Variants in SGIP1 observed in about 807,000 individuals in gnomAD.
SGIP1 encodes SH3-containing GRB2-like protein 3-interacting protein 1.
SGIP1 carries 38 observed loss-of-function variants against 107.5 expected under a neutral mutation model. The observed-to-expected ratio is 0.35, with a 90% CI of 0.27 to 0.46. SGIP1 has a LOEUF of 0.46. Among genes scored for constraint, SGIP1 ranks in the 20% least tolerant of loss-of-function variants. The pLI, the probability that SGIP1 is intolerant of heterozygous loss-of-function variation, is 1.00. For missense variants in SGIP1, 929 were observed against 1,019.5 expected (o/e 0.91, Z 1.21); for synonymous variants, 365 against 366.1 (o/e 1.00, Z 0.03).
intron 1 of SGIP1, among the ~76,000 whole-genome samples, chr1:66,566,666 T>G (rs1255239528): frequency 1.3e-5 from 2 of 151,990 alleles, no homozygotes; most frequent in African/African-American, 4.8e-5. Context: ...GTTTTATTGT[T>G]TTTGCCTTCC....
rs1418399330 is a variant in SGIP1, at chr1:66,549,154, CCTTCCTT to C, written c.10+14788_10+14794del. ...GGCTACCTGCCTTCCTTCCTTCCTTCCTTCCTTCCTTCCTTCCTTCCTTCCTTCCTTC... is the reference window on the plus strand; with the variant it reads ...GGCTACCTGCCTTCCTTCCTTCCTTCCCTTCCTTCCTTCCTTCCTTCCTTC... On this transcript the variant is annotated intron_variant, in intron 1 of 24. Transcript: ENST00000371037. Among the ~76,000 whole-genome samples the C allele has an allele frequency of 4.3e-5, 6 of 138,856 alleles. No homozygotes were observed. In the East Asian group the frequency reaches 1.2e-3, roughly 28 times the overall value. 91.1% of individuals were successfully genotyped at this position (138,856 alleles called of 152,430 possible).
chr1:66,589,212 A>ATGTGTG (rs1203908242), intron 1 of SGIP1, among the ~76,000 whole-genome samples: 26 of 89,790 alleles, frequency 2.9e-4, no homozygotes, highest in African/African-American at 1.1e-3. Context: ...ATATATATAT[A>ATGTGTG]TATATGTAAG....
intron 19 of SGIP1, among the ~76,000 whole-genome samples, chr1:66,721,413 T>C (rs2093526001): frequency 6.6e-6 from 1 of 151,794 alleles, no homozygotes; most frequent in African/African-American, 2.4e-5. Flanking sequence ...TTCTATGTTT[T>C]TATTTTATTT....
intron 12 of SGIP1, among the ~76,000 whole-genome samples, chr1:66,676,032 C>G (rs1448693111): frequency 3.9e-5 from 6 of 152,182 alleles, no homozygotes; most frequent in Non-Finnish European, 8.8e-5. Flanking sequence ...TTCAAATAGA[C>G]AGTAACAGCT....
chr1:66,552,661 T>G (rs1425877158), intron 1 of SGIP1, among the ~76,000 whole-genome samples: 1 of 152,174 alleles, frequency 6.6e-6, no homozygotes, highest in Non-Finnish European at 1.5e-5. Context: ...CTACTTTCTG[T>G]TTTCTCAGCT....
chr1:66,559,252 T>A (rs184490016), intron 1 of SGIP1, among the ~76,000 whole-genome samples: 1 of 152,122 alleles, frequency 6.6e-6, no homozygotes, highest in Admixed American at 6.6e-5. Flanking sequence ...GGGAGGCTGA[T>A]GCTATTGGTT....
At chr1:66,641,268 A>G (rs1558175863) in intron 5 of SGIP1, among the ~76,000 whole-genome samples, 1 of 152,228 alleles carries the variant, frequency 6.6e-6, no homozygotes, top group Non-Finnish European at 1.5e-5. Context: ...CGTAGTAGTC[A>G]TTTTGCTATG....
intron 2 of SGIP1, among the ~76,000 whole-genome samples, chr1:66,629,955 T>C (rs2073886370): frequency 6.6e-6 from 1 of 152,228 alleles, no homozygotes; most frequent in South Asian, 2.1e-4. Flanking sequence ...TTATGATGGC[T>C]ATTTTATAGA....
intron 2 of SGIP1, among the ~76,000 whole-genome samples, chr1:66,631,696 TCTCTCTC>T (rs2074770172): frequency 2.9e-5 from 1 of 35,050 alleles, no homozygotes; most frequent in South Asian, 3.6e-3. Flanking sequence ...TCTCTCTCTC[TCTCTCTC>T]TCTCTCTCTC....
At chr1:66,726,788 G>T (rs535442207) in intron 19 of SGIP1, among the ~76,000 whole-genome samples, 1 of 152,234 alleles carries the variant, frequency 6.6e-6, no homozygotes, top group South Asian at 2.1e-4. Context: ...TAAACTCAAA[G>T]ATTTTTTTTT....
intron 1 of SGIP1, among the ~76,000 whole-genome samples, chr1:66,548,639 T>C (rs1365024287): frequency 1.3e-5 from 2 of 152,182 alleles, no homozygotes; most frequent in Non-Finnish European, 2.9e-5. Context: ...GCTTTTATCA[T>C]TTCGTCACTG....
intron 15 of SGIP1, among the ~76,000 whole-genome samples, chr1:66,687,151 G>A (rs1463162276): frequency 6.6e-6 from 1 of 152,124 alleles, no homozygotes; most frequent in Non-Finnish European, 1.5e-5. Context: ...GGAGCATGTA[G>A]GAAAAGGATA....
chr1:66,679,839 G>C, intron 14 of SGIP1, 87 bp downstream of exon 14: 1 of 1,204,332 alleles, frequency 8.3e-7, no homozygotes, highest in Non-Finnish European at 1.1e-6. Flanking sequence ...GTTGAAAACT[G>C]TAGGCTACAC....
chr1:66,642,003 C>A (rs2076880255), intron 5 of SGIP1, among the ~76,000 whole-genome samples: 1 of 152,174 alleles, frequency 6.6e-6, no homozygotes. Context: ...TGAATCGATG[C>A]ACATGTTTTA....
At position 66,577,949 on chromosome 1, in the gene SGIP1, G is replaced by A. The variant is rs536769710; in HGVS notation, c.10+43581G>A. On this transcript the variant is annotated intron_variant, in intron 1 of 24. Coordinates refer to ENST00000371037, the MANE Select transcript of SGIP1 (RefSeq NM_032291.4). Reference sequence around the variant, plus strand: ...ATTCAAGACCAGATGTTTAATTTTAGCACCAAGGTTGGTTTCTATGAATCA... The same window carrying A: ...ATTCAAGACCAGATGTTTAATTTTAACACCAAGGTTGGTTTCTATGAATCA... 2.0e-5 allele frequency among the ~76,000 whole-genome samples: 3 copies of A among 152,082 alleles called. No individual in the cohort carries two copies. In the East Asian group the frequency reaches 5.8e-4, roughly 29 times the overall value.
intron 1 of SGIP1, among the ~76,000 whole-genome samples, chr1:66,566,251 T>C (rs1208711713): frequency 1.3e-5 from 2 of 152,006 alleles, no homozygotes; most frequent in Non-Finnish European, 2.9e-5. Context: ...ATAAGATCTT[T>C]TAAAGATCGA....
intron 22 of SGIP1, among the ~76,000 whole-genome samples, chr1:66,740,191 T>G (rs570446499): frequency 2.6e-5 from 4 of 152,332 alleles, no homozygotes; most frequent in Admixed American, 1.3e-4. Context: ...GGTATGGGAC[T>G]AGAAACTGAA....
intron 18 of SGIP1, among the ~76,000 whole-genome samples, chr1:66,718,361 C>G (rs544390696): frequency 6.6e-6 from 1 of 151,976 alleles, no homozygotes; most frequent in Non-Finnish European, 1.5e-5. Flanking sequence ...TCAGAAGCTA[C>G]GGGTTACAGC....
chr1:66,684,181 T>C, intron 15 of SGIP1: 1 of 1,550,646 alleles, frequency 6.4e-7, no homozygotes, highest in Non-Finnish European at 8.7e-7. Context: ...ACTGGATTCA[T>C]ACTCAGGTCT....
Sources: gnomAD v4.1 joint callset for allele counts (sites outside exome capture counted in the v4.1 genomes callset) on GRCh38, gnomAD v4.1.1 for gene constraint, MANE v1.5 for transcripts, NCBI Gene and HGNC (gene_info 2026-07-23, HGNC 2026-07-21) for gene names.